The following DAB1 variants were observed in gnomAD, a reference collection of about 807,000 sequenced individuals.
DAB1 encodes the protein DAB adaptor protein 1, also known as disabled homolog 1.
DAB1 carries 15 observed loss-of-function variants against 64.6 expected under a neutral mutation model. The ratio of observed to expected loss-of-function variants is 0.23; its 90% CI spans 0.16 to 0.36. DAB1 has a LOEUF of 0.36. Ranked by LOEUF, DAB1 falls within the 10% of genes least tolerant of loss-of-function variation. DAB1 has a pLI of 1.00. For synonymous variants in DAB1, 235 were observed against 251.9 expected (o/e 0.93, Z 0.64); for missense variants, 596 against 706.7 (o/e 0.84, Z 1.78).
intron 6 of DAB1, among the ~76,000 whole-genome samples, chr1:57,732,749 A>C (rs1647495139): frequency 6.6e-6 from 1 of 152,108 alleles, no homozygotes; most frequent in Admixed American, 6.5e-5. Context: ...GAAAGCAGGC[A>C]GGGAGGCTCC....
rs190789180 is a variant in DAB1, at chr1:57,205,077, C to T, written c.68-59648G>A. On this transcript the variant is annotated intron_variant, in intron 2 of 14. Coordinates refer to ENST00000371236, the MANE Select transcript of DAB1 (RefSeq NM_001365792.1). ...TGGAATTCCAGTGAAAAGGGCACTC[C>T]TCTGAAGGCATTGGCCTCCTTTGTT... 8.0e-4 allele frequency among the ~76,000 whole-genome samples: 122 copies of T among 152,294 alleles called. 2 individuals are homozygous for T. Among genetic ancestry groups the T allele is most frequent in the Admixed American group, 7.7e-3 (118 of 15,296 alleles).
chr1:58,522,993 T>C (rs533102269), intron 2 of DAB1, among the ~76,000 whole-genome samples: 1 of 152,300 alleles, frequency 6.6e-6, no homozygotes, highest in South Asian at 2.1e-4. Context: ...GGAGATACTT[T>C]GTAATTTCTG....
intron 7 of DAB1, among the ~76,000 whole-genome samples, chr1:57,623,070 T>A (rs1023544763): frequency 6.6e-6 from 1 of 152,230 alleles, no homozygotes; most frequent in Non-Finnish European, 1.5e-5. Flanking sequence ...GCTGCTTTTT[T>A]TCCCTTCGTT....
At chr1:57,036,719 A>T (rs1414478573) in intron 9 of DAB1, among the ~76,000 whole-genome samples, 1 of 152,156 alleles carries the variant, frequency 6.6e-6, no homozygotes, top group Non-Finnish European at 1.5e-5. Context: ...TTTACTCGCA[A>T]CTTAAGCTTC....
intron 4 of DAB1, among the ~76,000 whole-genome samples, chr1:58,285,626 T>C (rs1661662705): frequency 6.6e-6 from 1 of 152,114 alleles, no homozygotes; most frequent in Non-Finnish European, 1.5e-5. Context: ...GTGGAGAACA[T>C]CTTCAAGGAG....
chr1:58,462,489 G>A lies in DAB1; in HGVS notation n.257+43571C>T, dbSNP rs990369914. On this transcript the variant is annotated intron_variant and non_coding_transcript_variant, in intron 3 of 20. Coordinates refer to the DAB1 transcript ENST00000485760. ...CAGTAGCAATTTTTAGCGGTTCAGG[G>A]TATCCCCAAGCTGTTCTCAAAACTT... 13 of 152,288 alleles carry A rather than the reference G, an allele frequency of 8.5e-5. No homozygotes were observed. In the East Asian group the frequency reaches 2.5e-3, roughly 29 times the overall value. 9.4% of individuals were successfully genotyped at this position (152,288 alleles called of 1,614,324 possible).
chr1:58,509,554 A>G (rs990787998), intron 2 of DAB1, among the ~76,000 whole-genome samples: 5 of 151,464 alleles, frequency 3.3e-5, no homozygotes, highest in African/African-American at 1.2e-4. Context: ...AAAAGAAGAA[A>G]GCAAGCAAAT....
chr1:58,431,761 C>A (rs1273023082), intron 3 of DAB1, among the ~76,000 whole-genome samples: 3 of 151,862 alleles, frequency 2.0e-5, no homozygotes, highest in African/African-American at 4.8e-5. Flanking sequence ...TTTCTTCCTC[C>A]CTCCCTTCTT....
chr1:57,246,811 A>G (rs1668919685), intron 2 of DAB1, among the ~76,000 whole-genome samples: 1 of 152,238 alleles, frequency 6.6e-6, no homozygotes, highest in Non-Finnish European at 1.5e-5. Flanking sequence ...TAGGTGTGAG[A>G]CATGGAGTCA....
chr1:57,097,763 ATTAT>A (rs146708228), intron 4 of DAB1, among the ~76,000 whole-genome samples: 99 of 149,416 alleles, frequency 6.6e-4, no homozygotes, highest in Non-Finnish European at 1.1e-3. Flanking sequence ...TATTTTTATT[ATTAT>A]TTATTTATTT....
intron 5 of DAB1, among the ~76,000 whole-genome samples, chr1:58,058,823 C>T (rs1648309649): frequency 6.6e-6 from 1 of 152,200 alleles, no homozygotes; most frequent in South Asian, 2.1e-4. Context: ...TTCCTGAATC[C>T]TCACACATTC....
intron 3 of DAB1, among the ~76,000 whole-genome samples, chr1:58,504,960 C>CTT (rs879552920): frequency 2.1e-5 from 3 of 146,166 alleles, no homozygotes; most frequent in Non-Finnish European, 1.5e-5. Flanking sequence ...AAAGATACTT[C>CTT]TTTTTTTTTT....
At chr1:57,519,129 T>C (rs1487917574) in intron 7 of DAB1, among the ~76,000 whole-genome samples, 3 of 152,186 alleles carry the variant, frequency 2.0e-5, no homozygotes, top group African/African-American at 7.2e-5. Context: ...AATGACCTCA[T>C]TACTATTACT....
chr1:57,925,800 G>T (rs1020234632), intron 5 of DAB1, among the ~76,000 whole-genome samples: 1 of 152,160 alleles, frequency 6.6e-6, no homozygotes, highest in Non-Finnish European at 1.5e-5. Context: ...GATTGTGGAG[G>T]AGGGGGATGG....
chr1:57,306,164 G>C (rs1674143113), intron 1 of DAB1, among the ~76,000 whole-genome samples: 1 of 151,940 alleles, frequency 6.6e-6, no homozygotes, highest in African/African-American at 2.4e-5. Context: ...ATCAAGTCCC[G>C]GGTCCCACTC....
intron 4 of DAB1, among the ~76,000 whole-genome samples, chr1:58,310,517 C>T (rs189079158): frequency 1.3e-5 from 2 of 152,136 alleles, no homozygotes; most frequent in Non-Finnish European, 2.9e-5. Context: ...TTGGCCTTCT[C>T]TTGATTCAAC....
At chr1:58,193,036 T>G (rs1657476185) in intron 4 of DAB1, among the ~76,000 whole-genome samples, 1 of 152,230 alleles carries the variant, frequency 6.6e-6, no homozygotes, top group African/African-American at 2.4e-5. Context: ...TTATTTGCTA[T>G]GGTTTGAATA....
intron 1 of DAB1, among the ~76,000 whole-genome samples, chr1:57,354,280 A>G (rs985336762): frequency 3.3e-5 from 5 of 152,136 alleles, no homozygotes; most frequent in African/African-American, 1.2e-4. Context: ...ATCCAGAGAG[A>G]CCACAGATTT....
At chr1:57,773,935 C>T (rs1177769844) in intron 6 of DAB1, among the ~76,000 whole-genome samples, 1 of 151,924 alleles carries the variant, frequency 6.6e-6, no homozygotes. Flanking sequence ...ATCGTAAGTC[C>T]TCCAATTTTG....
Sources: gnomAD v4.1 joint callset for allele counts (sites outside exome capture counted in the v4.1 genomes callset) on GRCh38, gnomAD v4.1.1 for gene constraint, MANE v1.5 for transcripts, NCBI Gene and HGNC (gene_info 2026-07-23, HGNC 2026-07-21) for gene names.